The following ATP11A variants were observed in gnomAD, a reference collection of about 807,000 sequenced individuals.
ATP11A encodes phospholipid-transporting ATPase IH.
In ATP11A, 81 loss-of-function variants were observed where a neutral mutation model predicts 154.4. That is an observed-to-expected ratio of 0.52 (90% CI 0.44 to 0.63). The LOEUF (loss-of-function observed/expected upper bound fraction) is 0.63, where lower values mean the gene tolerates loss of function less well. Ranked by LOEUF, ATP11A falls within the 30% of genes least tolerant of loss-of-function variation. ATP11A has a pLI of 0.00. For synonymous variants in ATP11A, 623 were observed against 585.9 expected (o/e 1.06, Z -0.91); for missense variants, 1,316 against 1,474.3 (o/e 0.89, Z 1.76).
At chr13:112,762,178 C>T (rs1180278415) in intron 1 of ATP11A, among the ~76,000 whole-genome samples, 1 of 152,218 alleles carries the variant, frequency 6.6e-6, no homozygotes, top group Admixed American at 6.5e-5. Context: ...GCAGACCTCC[C>T]AAACCCCTCC....
At chr13:112,845,762 G>A (rs61961577) in intron 17 of ATP11A, among the ~76,000 whole-genome samples, 24 of 80,812 alleles carry the variant, frequency 3.0e-4, no homozygotes, top group African/African-American at 1.8e-3. Flanking sequence ...CAGTCCAGTT[G>A]CCGGCACTAG....
intron 1 of ATP11A, among the ~76,000 whole-genome samples, chr13:112,781,994 G>A (rs906485160): frequency 3.9e-5 from 6 of 152,128 alleles, no homozygotes; most frequent in Non-Finnish European, 2.9e-5. Flanking sequence ...AGGCAAGGCC[G>A]CGCACTTGCC....
At chr13:112,692,313 T>G (rs1201588754) in intron 1 of ATP11A, among the ~76,000 whole-genome samples, 13 of 152,192 alleles carry the variant, frequency 8.5e-5, no homozygotes, top group Admixed American at 8.5e-4. Context: ...GTTGTGGGGC[T>G]AATGTGCAGC....
In ATP11A at chr13:112,859,628, C is replaced by T. The variant is rs1340064183; in HGVS notation, c.2727+176C>T. Among the ~76,000 whole-genome samples, 17 of 152,138 alleles carry T rather than the reference C, an allele frequency of 1.1e-4. No individual in the cohort carries two copies. The highest frequency in any genetic ancestry group is 1.0e-3 in the Admixed American group (16 of 15,278). On this transcript the variant is annotated intron_variant, in intron 23 of 29. Coordinates refer to ENST00000375645, the MANE Select transcript of ATP11A (RefSeq NM_015205.3). This position sits in a 1 kb window ranked among gnomAD's most constrained non-coding sequence, Gnocchi z 4.3. ...GGGTCGGGCCTGGGGAGGGGGGCCA[C>T]GGAGCTGAGGAGTTGCCGTCCTGGA...
At chr13:112,857,210 G>A (rs1371172943) in intron 20 of ATP11A, among the ~76,000 whole-genome samples, 1 of 152,106 alleles carries the variant, frequency 6.6e-6, no homozygotes, top group Non-Finnish European at 1.5e-5. Flanking sequence ...CATTCTTACA[G>A]CTTGAACTGT....
intron 1 of ATP11A, among the ~76,000 whole-genome samples, chr13:112,756,011 C>G (rs1268575844): frequency 1.1e-4 from 16 of 151,988 alleles, no homozygotes; most frequent in African/African-American, 3.9e-4. Flanking sequence ...AAACGGCACT[C>G]AGAGCGGCTC....
intron 1 of ATP11A, among the ~76,000 whole-genome samples, chr13:112,707,871 G>C (rs1887324810): frequency 6.6e-6 from 1 of 152,134 alleles, no homozygotes; most frequent in Non-Finnish European, 1.5e-5. Flanking sequence ...GTCACTGTCT[G>C]GTGGCCTGTG....
intron 2 of ATP11A, among the ~76,000 whole-genome samples, chr13:112,790,069 C>T (rs2077802088): frequency 6.7e-6 from 1 of 150,144 alleles, no homozygotes; most frequent in African/African-American, 2.5e-5. Context: ...ACCCGGCATC[C>T]TGACGTGTAG....
Position 112,819,965 on chromosome 13 carries a change from G to A in ATP11A, c.725+15G>A, listed in dbSNP as rs368360214. On this transcript the variant is annotated intron_variant, in intron 8 of 29. Transcript: ENST00000375645. ...CCCGTGGTGAGGTGAGTGCCTCTGC[G>A]GATGCCTTGGCCACGGTCACCTCCC... 3.6e-5 allele frequency: 57 copies of A among 1,575,610 alleles called. No individual in the cohort carries two copies. Among genetic ancestry groups the A allele is most frequent in the Non-Finnish European group, 4.5e-5 (52 of 1,159,294 alleles).
intron 16 of ATP11A, among the ~76,000 whole-genome samples, chr13:112,839,497 G>A (rs183161507): frequency 7.7e-4 from 117 of 152,212 alleles, no homozygotes; most frequent in Middle Eastern, 6.8e-3. Context: ...GGCTCAAACT[G>A]TGGTTCTATA....
intron 2 of ATP11A, among the ~76,000 whole-genome samples, chr13:112,800,842 A>G (rs117629358): frequency 2.0e-3 from 305 of 152,340 alleles, no homozygotes; most frequent in African/African-American, 6.2e-3. Context: ...GGCTGATCCA[A>G]CATTTGAAAA....
chr13:112,748,201 C>G (rs374739198), intron 1 of ATP11A, among the ~76,000 whole-genome samples: 2 of 152,160 alleles, frequency 1.3e-5, no homozygotes, highest in African/African-American at 4.8e-5. Flanking sequence ...CACATCTGGT[C>G]CCAAGCATTT....
rs543970407 is a variant in ATP11A at position 112,786,612 on chromosome 13, G to A, written c.162+1355G>A. 1.9e-4 allele frequency among the ~76,000 whole-genome samples: 22 copies of A among 118,356 alleles called. 2 individuals are homozygous for A. The highest frequency in any genetic ancestry group is 7.6e-4 in the Admixed American group (9 of 11,906). The allele number at this position is 118,356 out of a possible 152,430, so 77.6% of individuals were successfully genotyped here. The stretch of plus-strand genomic sequence containing the variant: ...ATGGATGAGCTAAACCCAGGCACAC[G>A]CGTGGACGGGCTGCACATGGGGTAA... On this transcript the variant is annotated intron_variant, in intron 2 of 29. Coordinates refer to ENST00000375645, the MANE Select transcript of ATP11A (RefSeq NM_015205.3).
intron 1 of ATP11A, among the ~76,000 whole-genome samples, chr13:112,702,387 G>A (rs990941018): frequency 1.8e-4 from 27 of 149,022 alleles, no homozygotes; most frequent in African/African-American, 2.7e-4. Flanking sequence ...TACAGACACC[G>A]TAGCAACCAC....
In ATP11A at chr13:112,825,587, A is replaced by T. The variant is rs551262325; in HGVS notation, c.1023+7A>T. On this transcript the variant is annotated splice_region_variant and intron_variant, in intron 11 of 29. Transcript: ENST00000375645. ...GGAAAGGCAGAGGAATCTGGTATGG[A>T]GAATCACTGCCCTTGTATGATCCGA... 7.5e-6 allele frequency: 12 copies of T among 1,610,712 alleles called. No individual in the cohort carries two copies. Among genetic ancestry groups the T allele is most frequent in the Non-Finnish European group, 8.5e-6 (10 of 1,178,758 alleles).
chr13:112,776,664 T>G (rs1023684768), intron 1 of ATP11A, among the ~76,000 whole-genome samples: 3 of 152,206 alleles, frequency 2.0e-5, no homozygotes, highest in African/African-American at 7.2e-5. Flanking sequence ...GGCACTGTCC[T>G]GGCTCACTGC....
In ATP11A at chr13:112,858,317, G is replaced by A. The variant is rs139120671; in HGVS notation, c.2667+27G>A. 8.8e-4 allele frequency: 1,400 copies of A among 1,595,922 alleles called. 25 individuals are homozygous for A. In the East Asian group the frequency reaches 0.02, roughly 23 times the overall value. Reference sequence around the variant, plus strand: ...TAGGAGGGTCGCCGCTCCCCCTCACGGTGTTAGCAACAGGTCACGCACAGG... The same window carrying A: ...TAGGAGGGTCGCCGCTCCCCCTCACAGTGTTAGCAACAGGTCACGCACAGG... On this transcript the variant is annotated intron_variant, in intron 22 of 29. Coordinates refer to ENST00000375645, the MANE Select transcript of ATP11A (RefSeq NM_015205.3).
intron 1 of ATP11A, among the ~76,000 whole-genome samples, chr13:112,739,000 A>C (rs574481349): frequency 5.4e-4 from 82 of 152,290 alleles, no homozygotes; most frequent in Middle Eastern, 3.4e-3. Context: ...GATACTTAGG[A>C]CTTACTTTAT....
chr13:112,828,882 G>A (rs1015499407), intron 12 of ATP11A, among the ~76,000 whole-genome samples: 12 of 152,156 alleles, frequency 7.9e-5, no homozygotes, highest in Admixed American at 3.9e-4. Context: ...TGTGCAGTAC[G>A]ATAACACGAC....
Sources: gnomAD v4.1 joint callset for allele counts (sites outside exome capture counted in the v4.1 genomes callset) on GRCh38, gnomAD v4.1.1 for gene constraint, Gnocchi (gnomAD v3.1) non-coding constraint, MANE v1.5 for transcripts, NCBI Gene and HGNC (gene_info 2026-07-23, HGNC 2026-07-21) for gene names.